Variants in RPL13 observed in about 807,000 individuals in gnomAD.
RPL13 encodes the protein large ribosomal subunit protein eL13.
Under a neutral mutation model 21.4 loss-of-function variants are expected in RPL13, and 1 was observed. That is an observed-to-expected ratio of 0.05 (90% CI 0.02 to 0.22). RPL13 has a LOEUF of 0.22. RPL13 is among the 10% of genes least tolerant of loss of function. The pLI is 1.00. For missense variants in RPL13, 289 were observed against 303.0 expected (o/e 0.95, Z 0.34); for synonymous variants, 143 against 120.5 (o/e 1.19, Z -1.23).
Position 89,560,812 on chromosome 16 carries a change from C to T in RPL13, c.-21+100C>T, listed in dbSNP as rs977574574. On this transcript the variant is annotated intron_variant, in intron 1 of 5. Transcript: ENST00000311528. ...GGATGGGCCCCTTCTTCTTCGCAGA[C>T]AGCGTTCGGCCGCTGCCCGGGCTCT... 5.3e-5 allele frequency: 31 copies of T among 584,524 alleles called. No homozygotes were observed. In the African/African-American group the frequency reaches 6.2e-4, roughly 12 times the overall value. 36.2% of individuals were successfully genotyped at this position (584,524 alleles called of 1,614,324 possible). A position where few individuals can be genotyped will look rare whatever the true frequency, so the allele number is the denominator to read the frequency against.
intron 3 of RPL13, 93 bp from the exon 4 acceptor site, chr16:89,561,484 AC>A: frequency 6.2e-7 from 1 of 1,611,876 alleles, no homozygotes; most frequent in Admixed American, 1.7e-5. Context: ...GCACATTTGA[AC>A]CCTTTTCCAT....
rs750713568 is a variant in RPL13 at position 89,561,527 on chromosome 16, G to C, written c.247-51G>C. ...GCTGAGGCTTTTCATCCAGGCCTCGGGGCTGGAGAAAGCCCGGGCCTGTCT... is the reference window on the plus strand; with the variant it reads ...GCTGAGGCTTTTCATCCAGGCCTCGCGGCTGGAGAAAGCCCGGGCCTGTCT... On this transcript the variant is annotated intron_variant, in intron 3 of 5. Coordinates refer to ENST00000311528, the MANE Select transcript of RPL13 (RefSeq NM_000977.4). 8 of 1,612,980 alleles carry C rather than the reference G, an allele frequency of 5.0e-6. No individual in the cohort carries two copies. In the African/African-American group the frequency reaches 9.3e-5, roughly 19 times the overall value.
In RPL13 at chr16:89,561,320, C is replaced by T. The variant is rs755034474; in HGVS notation, c.198C>T (p.Tyr66=). 4 of 1,593,256 alleles carry T rather than the reference C, an allele frequency of 2.5e-6. No homozygotes were observed. The Admixed American group carries it at 5.2e-5, about 21-fold the overall frequency. The stretch of plus-strand genomic sequence containing the variant: ...TCGTGCGCTGCCCCACGGTTCGGTA[C>T]CACACGAAGGTGCGCGCCGGCCGCG... ...RPIVRCPTVR[Y]HTKVRAGRGF... The change falls in exon 3 of 6, where the codon TAC becomes TAT. Residue 66 remains tyrosine (Y), a synonymous_variant. Coordinates refer to ENST00000311528, the MANE Select transcript of RPL13 (RefSeq NM_000977.4).
chr16:89,564,618 CTG>C (rs989980999), downstream of RPL13: 23 of 152,272 alleles, frequency 1.5e-4, no homozygotes, highest in African/African-American at 4.3e-4. Context: ...AGCTGCACCA[CTG>C]TGCTCCAGCC....
intron 1 of RPL13, 66 bp from the exon 2 acceptor site, chr16:89,560,874 G>A: frequency 1.6e-6 from 2 of 1,228,632 alleles, no homozygotes; most frequent in Non-Finnish European, 2.3e-6. Context: ...AGGGTTCGGG[G>A]CGGAGGCCCG....
intron 5 of RPL13, 75 bp from the exon 6 acceptor site, chr16:89,562,809 C>T (rs576551693): frequency 1.2e-5 from 17 of 1,432,432 alleles, no homozygotes; most frequent in Middle Eastern, 3.8e-4. Context: ...GGAGGTCCTC[C>T]AGGTTCTCCT....
chr16:89,561,918 T>G (rs2058747964), intron 4 of RPL13, 167 bp downstream of exon 4: 2 of 769,378 alleles, frequency 2.6e-6, no homozygotes, highest in Non-Finnish European at 4.1e-6. Context: ...TCCGCAGAGA[T>G]AACCTTAATG....
chr16:89,562,666 G>T (rs1056911065), intron 5 of RPL13: 16 of 576,638 alleles, frequency 2.8e-5, no homozygotes, highest in Non-Finnish European at 3.8e-5. Context: ...GAATTGCTGG[G>T]TTTACAGGCT....
downstream of RPL13, chr16:89,564,925 C>A (rs990807459): frequency 1.3e-5 from 2 of 152,206 alleles, no homozygotes; most frequent in Non-Finnish European, 2.9e-5. Flanking sequence ...TGTGCCCCAT[C>A]ACACCGCCTT....
At chr16:89,561,525 C>T (rs200606302) in intron 3 of RPL13, 53 bp from the exon 4 acceptor site, 629 of 1,612,558 alleles carry the variant, frequency 3.9e-4, no homozygotes, top group Middle Eastern at 8.2e-4. Context: ...ATCCAGGCCT[C>T]GGGGCTGGAG....
chr16:89,562,065 G>C (rs1049340324), intron 4 of RPL13: 1 of 586,924 alleles, frequency 1.7e-6, no homozygotes, highest in Admixed American at 3.4e-5. Flanking sequence ...ATACGTTTCC[G>C]GGTAGTTAAA....
intron 5 of RPL13, 89 bp downstream of exon 5, chr16:89,562,480 C>T (rs1474818458): frequency 7.8e-7 from 1 of 1,289,464 alleles, no homozygotes. Context: ...GGGGGTCAGG[C>T]TTAAGAACGT....
chr16:89,562,268 C>A, intron 4 of RPL13, 67 bp from the exon 5 acceptor site: 2 of 1,496,166 alleles, frequency 1.3e-6, no homozygotes, highest in Non-Finnish European at 1.9e-6. Flanking sequence ...AAGTTTGGGG[C>A]CAGGTGAGGG....
In RPL13 at chr16:89,564,223, G is replaced by T. The variant is rs550900445; in HGVS notation, c.*1181G>T. On this transcript the variant is annotated 3_prime_UTR_variant, in exon 6 of 6. Coordinates refer to ENST00000311528, the MANE Select transcript of RPL13 (RefSeq NM_000977.4). ...AGGCACCCAGGGAGCTGTTACTGGC[G>T]TGGAAATAGGTGATGCTGCTACCTC... 1 of 152,210 alleles carries T rather than the reference G, an allele frequency of 6.6e-6. No homozygotes were observed. Among genetic ancestry groups the T allele is most frequent in the African/African-American group, 2.4e-5 (1 of 41,448 alleles). The allele number at this position is 152,210 out of a possible 1,614,324, so 9.4% of individuals were successfully genotyped here.
In RPL13 at chr16:89,561,600, T is replaced by G. The variant is rs1597674831; in HGVS notation, c.269T>G (p.Val90Gly). 2 of 1,613,502 alleles carry G rather than the reference T, an allele frequency of 1.2e-6. No homozygotes were observed. The highest frequency in any genetic ancestry group is 8.5e-7 in the Non-Finnish European group (1 of 1,180,000). Residue 90 changes from valine (V) to glycine (G), a missense_variant, in exon 4 of 6, where the codon GTG becomes GGG. Transcript: ENST00000311528. ...CAGGTGGCCGGCATTCACAAGAAGG[T>G]GGCCCGGACCATCGGCATTTCTGTG... ...ELRVAGIHKK[V>G]ARTIGISVDP...
chr16:89,565,729 T>A (rs964566420), downstream of RPL13: 1 of 150,944 alleles, frequency 6.6e-6, no homozygotes, highest in Non-Finnish European at 1.5e-5. Context: ...GAACCCGGGC[T>A]GGAACCAGCC....
At chr16:89,566,786 C>A (rs1197228456), downstream of RPL13, 2 of 152,084 alleles carry the variant, frequency 1.3e-5, no homozygotes, top group African/African-American at 4.8e-5. Flanking sequence ...ATCTGGTTAT[C>A]CTGTAGTTGC....
rs1331706086 is a variant in RPL13, at chr16:89,563,010, G to C, written c.604G>C (p.Ala202Pro). Reference protein sequence around the residue: ...FGIRAKRAKEAAEQDVEKKK With the variant: ...FGIRAKRAKEPAEQDVEKKK ...CATACGGGCAAAAAGAGCCAAGGAA[G>C]CCGCAGAACAGGATGTTGAAAAGAA... Residue 202 changes from alanine (A) to proline (P), a missense_variant, in exon 6 of 6, where the codon GCC (alanine) becomes CCC (proline). Ala to Pro is a conservative substitution (Grantham distance 27). Transcript: ENST00000311528. 6.4e-7 allele frequency: 1 copy of C among 1,562,424 alleles called. No individual in the cohort carries two copies. The highest frequency in any genetic ancestry group is 1.4e-5 in the African/African-American group (1 of 72,104).
chr16:89,560,859 T>G (rs1310379764), intron 1 of RPL13, 81 bp from the exon 2 acceptor site: 1 of 1,021,292 alleles, frequency 9.8e-7, no homozygotes, highest in Non-Finnish European at 1.4e-6. Context: ...GACGGCCCAG[T>G]CTGGAGGGTT....
Sources: allele counts gnomAD v4.1 joint callset, GRCh38; gene constraint gnomAD v4.1.1; transcripts MANE v1.5; gene names NCBI Gene and HGNC (gene_info 2026-07-23, HGNC 2026-07-21).